The following SNX29 variants were observed in gnomAD, a reference collection of about 807,000 sequenced individuals.
SNX29 encodes sorting nexin 29.
In SNX29, 78 loss-of-function variants were observed where a neutral mutation model predicts 102.1. That is an observed-to-expected ratio of 0.76 (90% CI 0.64 to 0.92). The LOEUF (loss-of-function observed/expected upper bound fraction) is 0.92, where lower values mean the gene tolerates loss of function less well. SNX29 is among the 40% of genes least tolerant of loss of function. The pLI, the probability that SNX29 is intolerant of heterozygous loss-of-function variation, is 0.00. For missense variants in SNX29, 1,280 were observed against 1,061.7 expected (o/e 1.21, Z -2.86); for synonymous variants, 580 against 414.5 (o/e 1.40, Z -4.85).
chr16:12,260,442 C>T (rs2078699584), intron 14 of SNX29, among the ~76,000 whole-genome samples: 1 of 152,196 alleles, frequency 6.6e-6, no homozygotes, highest in Admixed American at 6.5e-5. Context: ...TTTGGGCTTC[C>T]TTCCCATGCG....
intron 20 of SNX29, among the ~76,000 whole-genome samples, chr16:12,539,606 G>A (rs2077232278): frequency 6.6e-6 from 1 of 152,196 alleles, no homozygotes. Context: ...AAATACCTAA[G>A]AGTTGAGGAC....
intron 16 of SNX29, among the ~76,000 whole-genome samples, chr16:12,359,566 A>G (rs1209040595): frequency 6.6e-6 from 1 of 152,216 alleles, no homozygotes; most frequent in African/African-American, 2.4e-5. Context: ...CTTTGGCTTA[A>G]TCATTCACTT....
intron 11 of SNX29, among the ~76,000 whole-genome samples, chr16:12,084,198 T>C (rs1596816794): frequency 6.6e-6 from 1 of 151,108 alleles, no homozygotes; most frequent in East Asian, 1.9e-4. Flanking sequence ...CAGGCTGGAG[T>C]GCAGTGGCAC....
chr16:12,026,961 A>C (rs1164763875), intron 3 of SNX29, among the ~76,000 whole-genome samples: 2 of 152,184 alleles, frequency 1.3e-5, no homozygotes, highest in African/African-American at 4.8e-5. Context: ...ATTGGATGCA[A>C]TTAACATCCA....
chr16:12,337,491 A>G (rs1415432678), intron 15 of SNX29, among the ~76,000 whole-genome samples: 8 of 151,878 alleles, frequency 5.3e-5, no homozygotes, highest in African/African-American at 1.9e-4. Flanking sequence ...ACAGGCACGT[A>G]CCATCATGCC....
intron 20 of SNX29, among the ~76,000 whole-genome samples, chr16:12,541,762 C>T (rs192725005): frequency 2.0e-5 from 3 of 152,302 alleles, no homozygotes; most frequent in African/African-American, 4.8e-5. Flanking sequence ...GTGCCTGATA[C>T]TGACCTGCGT....
In SNX29 at chr16:12,563,207, T is replaced by C. The variant is rs987090273; in HGVS notation, c.2319-5299T>C. Among the ~76,000 whole-genome samples the C allele has an allele frequency of 2.0e-5, 3 of 151,684 alleles. No individual in the cohort carries two copies. The East Asian group carries it at 5.8e-4, about 30-fold the overall frequency. ...ACTTCCCACAGTCAACATGCTGGGA[T>C]TGAGGCTCATACCCTGAAAGTGGCC... On this transcript the variant is annotated intron_variant, in intron 20 of 20. Coordinates refer to ENST00000566228, the MANE Select transcript of SNX29 (RefSeq NM_032167.5).
At chr16:12,531,136 T>G (rs1045834812) in intron 20 of SNX29, among the ~76,000 whole-genome samples, 1 of 152,216 alleles carries the variant, frequency 6.6e-6, no homozygotes, top group African/African-American at 2.4e-5. Context: ...ACCAATTTGA[T>G]ATGCAGGGTT....
chr16:12,089,904 CG>C, intron 11 of SNX29: 1 of 312,730 alleles, frequency 3.2e-6, no homozygotes, highest in Non-Finnish European at 6.2e-6. Flanking sequence ...CCCTGTGTCT[CG>C]GGGTAGGGAG....
chr16:12,393,622 A>G (rs1461966970), intron 16 of SNX29, among the ~76,000 whole-genome samples: 1 of 152,166 alleles, frequency 6.6e-6, no homozygotes, highest in Non-Finnish European at 1.5e-5. Context: ...CAGTGGAGAC[A>G]CTGTTTAGTT....
At chr16:12,567,243 A>G (rs1046698794) in intron 20 of SNX29, among the ~76,000 whole-genome samples, 20 of 152,216 alleles carry the variant, frequency 1.3e-4, no homozygotes, top group Middle Eastern at 3.4e-3. Context: ...AGCTGTGGAC[A>G]CAGTCCTGTC....
intron 3 of SNX29, among the ~76,000 whole-genome samples, chr16:12,004,104 G>A (rs1383258070): frequency 6.6e-6 from 1 of 151,700 alleles, no homozygotes; most frequent in Non-Finnish European, 1.5e-5. Flanking sequence ...CACTTTGGGA[G>A]GTTGAGGCGG....
intron 20 of SNX29, among the ~76,000 whole-genome samples, chr16:12,567,587 G>T (rs767656297): frequency 1.3e-5 from 2 of 152,022 alleles, no homozygotes; most frequent in Admixed American, 6.6e-5. Context: ...CTGGACAAGA[G>T]CAAGACCCCA....
intron 20 of SNX29, among the ~76,000 whole-genome samples, chr16:12,555,139 C>T (rs1010173573): frequency 3.3e-5 from 5 of 151,798 alleles, no homozygotes; most frequent in African/African-American, 9.7e-5. Flanking sequence ...TATTCTCAGA[C>T]TTGGTCCAGG....
intron 13 of SNX29, among the ~76,000 whole-genome samples, chr16:12,171,643 G>A (rs907435758): frequency 6.6e-6 from 1 of 152,238 alleles, no homozygotes. Flanking sequence ...CTTGGCAAGT[G>A]CCAAGAGCCA....
chr16:12,320,809 C>T lies in SNX29; in HGVS notation c.1783-35354C>T, dbSNP rs140401597. Among the ~76,000 whole-genome samples, 508 of 152,286 alleles carry T rather than the reference C, an allele frequency of 3.3e-3. 5 individuals are homozygous for T. Among genetic ancestry groups the T allele is most frequent in the African/African-American group, 0.011 (453 of 41,576 alleles). On this transcript the variant is annotated intron_variant, in intron 15 of 20. Transcript: ENST00000566228. The stretch of plus-strand genomic sequence containing the variant: ...TCAAGAGTTGTGATCTAATCAGAAT[C>T]GTGTTCCAATTCTTTAGATGAAAAG...
intron 13 of SNX29, among the ~76,000 whole-genome samples, chr16:12,162,103 C>T (rs185573011): frequency 1.4e-4 from 22 of 152,262 alleles, no homozygotes; most frequent in Non-Finnish European, 2.2e-4. Context: ...TACTTCCTGC[C>T]GGGCTTTGAC....
At chr16:12,157,552 A>G (rs1387611622) in intron 13 of SNX29, among the ~76,000 whole-genome samples, 1 of 152,170 alleles carries the variant, frequency 6.6e-6, no homozygotes, top group Non-Finnish European at 1.5e-5. Flanking sequence ...GTGTAGCACC[A>G]TGTAAAGGGT....
At chr16:12,288,649 A>T (rs913990370) in intron 15 of SNX29, among the ~76,000 whole-genome samples, 1 of 150,574 alleles carries the variant, frequency 6.6e-6, no homozygotes, top group Non-Finnish European at 1.5e-5. Flanking sequence ...ACTGCTTTCC[A>T]GCCTAGGTGA....
Sources: allele counts gnomAD v4.1 joint callset (sites outside exome capture counted in the v4.1 genomes callset), GRCh38; gene constraint gnomAD v4.1.1; transcripts MANE v1.5; gene names NCBI Gene and HGNC (gene_info 2026-07-23, HGNC 2026-07-21).